The following INSL6 variants were observed in gnomAD, a reference collection of about 807,000 sequenced individuals.
INSL6 encodes insulin-like peptide INSL6.
In INSL6, 16 loss-of-function variants were observed where a neutral mutation model predicts 9.4. That is an observed-to-expected ratio of 1.70 (90% CI 1.15 to 2.59). The LOEUF (loss-of-function observed/expected upper bound fraction) is 2.59. Ranked by LOEUF, INSL6 falls within the 30% of genes most tolerant of loss-of-function variation. INSL6 has a pLI of 0.00. For synonymous variants in INSL6, 154 were observed against 96.9 expected (o/e 1.59, Z -3.46); for missense variants, 391 against 257.3 (o/e 1.52, Z -3.56).
the INSL6 span, chr9:5,108,942 A>G: frequency 6.6e-6 from 1 of 152,114 alleles, no homozygotes; most frequent in Non-Finnish European, 1.5e-5. Context: ...AAACGGAATC[A>G]TATACTTACC....
At chr9:5,035,428 C>A in the INSL6 span, among the ~76,000 whole-genome samples, 1 of 151,960 alleles carries the variant, frequency 6.6e-6, no homozygotes, top group African/African-American at 2.4e-5. Flanking sequence ...GAGACACAAC[C>A]AAAAAGGAGA....
At chr9:5,111,834 T>G in the INSL6 span, 3 of 407,390 alleles carry the variant, frequency 7.4e-6, no homozygotes, top group East Asian at 1.3e-4. Flanking sequence ...GCCACACGCC[T>G]GTCGGCGGGG....
At chr9:5,182,679 A>G (rs1196364580) in intron 1 of INSL6, among the ~76,000 whole-genome samples, 2 of 152,150 alleles carry the variant, frequency 1.3e-5, no homozygotes, top group African/African-American at 4.8e-5. Context: ...TGACATGAAG[A>G]CTAAGAATAT....
intron 1 of INSL6, among the ~76,000 whole-genome samples, chr9:5,170,528 C>G (rs117238474): frequency 0.016 from 2,350 of 149,268 alleles, 34 homozygotes; most frequent in Non-Finnish European, 0.025. Context: ...ACACGAAAAA[C>G]CCTTCAAACA....
the INSL6 span, among the ~76,000 whole-genome samples, chr9:5,089,399 G>C: frequency 1.3e-5 from 2 of 151,962 alleles, no homozygotes; most frequent in Non-Finnish European, 2.9e-5. Flanking sequence ...TTAGCTGGGC[G>C]TATTGGCGGG....
the INSL6 span, chr9:5,064,757 G>A: frequency 1.7e-6 from 1 of 601,604 alleles, no homozygotes; most frequent in Non-Finnish European, 2.8e-6. Flanking sequence ...ATTGAGTACT[G>A]AGCCATAAAA....
At chr9:5,162,786 A>T (rs555885742), downstream of INSL6, among the ~76,000 whole-genome samples, 46 of 152,354 alleles carry the variant, frequency 3.0e-4, no homozygotes, top group African/African-American at 1.1e-3. Context: ...CTAAGAATTA[A>T]CAAAGCCAAA....
the INSL6 span, among the ~76,000 whole-genome samples, chr9:5,062,356 G>GT: frequency 6.6e-6 from 1 of 151,866 alleles, no homozygotes; most frequent in Admixed American, 6.6e-5. Context: ...ACAAATCACC[G>GT]TAACAGGTAT....
the INSL6 span, chr9:5,064,834 G>A: frequency 5.1e-6 from 7 of 1,363,942 alleles, no homozygotes; most frequent in Non-Finnish European, 6.9e-6. Context: ...TATTTAACAT[G>A]GAGTTGACTT....
the INSL6 span, among the ~76,000 whole-genome samples, chr9:5,087,250 G>C: frequency 6.6e-6 from 1 of 152,176 alleles, no homozygotes; most frequent in South Asian, 2.1e-4. Context: ...CATGGCAGAA[G>C]GCACCTCTTC....
chr9:5,038,291 C>T, the INSL6 span, among the ~76,000 whole-genome samples: 1 of 152,014 alleles, frequency 6.6e-6, no homozygotes, highest in Admixed American at 6.6e-5. Context: ...ATAAAGAAAT[C>T]AAATTAGCAA....
the INSL6 span, among the ~76,000 whole-genome samples, chr9:5,080,920 G>GAGTCTTAC: frequency 8.5e-6 from 1 of 117,076 alleles, no homozygotes; most frequent in African/African-American, 3.5e-5. Context: ...TTTTGAGATG[G>GAGTCTTAC]AGTCTTACTC....
chr9:5,096,057 C>G, the INSL6 span, among the ~76,000 whole-genome samples: 1 of 152,176 alleles, frequency 6.6e-6, no homozygotes, highest in East Asian at 1.9e-4. Flanking sequence ...GTCTTATTAC[C>G]CCAACCATTA....
At chr9:5,138,695 C>CT (rs1374316304) in intron 2 of INSL6, among the ~76,000 whole-genome samples, 4 of 149,762 alleles carry the variant, frequency 2.7e-5, no homozygotes, top group African/African-American at 9.8e-5. Flanking sequence ...CAAACCTGCA[C>CT]TTTCGGTACA....
intron 1 of INSL6, among the ~76,000 whole-genome samples, chr9:5,171,896 A>G (rs866905647): frequency 3.3e-5 from 5 of 152,224 alleles, no homozygotes; most frequent in East Asian, 1.9e-4. Flanking sequence ...TATCGTGAAA[A>G]TGGCCATCCT....
chr9:5,066,846 T>A, the INSL6 span: 11 of 707,230 alleles, frequency 1.6e-5, no homozygotes, highest in South Asian at 3.2e-4. Flanking sequence ...TAATTTCCTC[T>A]CCATATTTAT....
chr9:5,086,963 T>TATTA, the INSL6 span, among the ~76,000 whole-genome samples: 1 of 152,208 alleles, frequency 6.6e-6, no homozygotes, highest in Admixed American at 6.5e-5. Flanking sequence ...TCACTTTCCC[T>TATTA]ATTATTTCCT....
chr9:5,173,868 G>C (rs114808293), intron 1 of INSL6, among the ~76,000 whole-genome samples: 3,120 of 152,070 alleles, frequency 0.021, 125 homozygotes, highest in African/African-American at 0.072. Flanking sequence ...CATGTTAATA[G>C]ACACCCATCC....
the INSL6 span, among the ~76,000 whole-genome samples, chr9:5,037,184 G>A: frequency 0.27 from 41,556 of 151,500 alleles, 5,835 homozygotes; most frequent in African/African-American, 0.35. Context: ...TTAGAATGGC[G>A]ATCATTAAAA....
Sources: gnomAD v4.1 joint callset for allele counts (sites outside exome capture counted in the v4.1 genomes callset) on GRCh38, gnomAD v4.1.1 for gene constraint, MANE v1.5 for transcripts, NCBI Gene and HGNC (gene_info 2026-07-23, HGNC 2026-07-21) for gene names.